The following VPS13D variants were observed in gnomAD, a reference collection of about 807,000 sequenced individuals.
VPS13D encodes the protein intermembrane lipid transfer protein VPS13D.
In VPS13D, 187 loss-of-function variants were observed where a neutral mutation model predicts 461.9. The ratio of observed to expected loss-of-function variants is 0.40; its 90% CI spans 0.36 to 0.46. VPS13D has a LOEUF of 0.46. Among genes scored for constraint, VPS13D ranks in the 20% least tolerant of loss-of-function variants. The pLI, the probability that VPS13D is intolerant of heterozygous loss-of-function variation, is 0.60. For missense variants in VPS13D, 4,711 were observed against 5,364.9 expected (o/e 0.88, Z 3.81); for synonymous variants, 1,951 against 1,986.3 (o/e 0.98, Z 0.47).
At chr1:12,316,279 T>G (rs1380481009) in intron 30 of VPS13D, among the ~76,000 whole-genome samples, 1 of 152,202 alleles carries the variant, frequency 6.6e-6, no homozygotes, top group Non-Finnish European at 1.5e-5. Flanking sequence ...TTACCTTGGC[T>G]CTTGCTAACA....
chr1:12,358,988 T>G (rs1355617540), intron 50 of VPS13D, among the ~76,000 whole-genome samples: 2 of 152,148 alleles, frequency 1.3e-5, no homozygotes, highest in African/African-American at 2.4e-5. Flanking sequence ...GAAGCATTGT[T>G]CTCCTTGAAA....
rs1349106209 is a variant in VPS13D at position 12,314,273 on chromosome 1, C to A, written c.7094C>A (p.Pro2365His). The change falls in exon 30 of 70, where the codon CCC (proline) becomes CAC (histidine). Residue 2365 changes from proline (P) to histidine (H), a missense_variant. Physicochemically the swap from Pro to His is moderately conservative, Grantham distance 77. Transcript: ENST00000620676. ...MTNVFSCIFQ[P>H]AKNSSTTQGS... The stretch of plus-strand genomic sequence containing the variant: ...AATGTGTTCAGCTGTATCTTTCAGC[C>A]CGCTAAGAACAGCAGCACCACCCAA... The A allele has an allele frequency of 6.2e-7, 1 of 1,614,154 alleles. No individual in the cohort carries two copies. The highest frequency in any genetic ancestry group is 1.7e-5 in the Admixed American group (1 of 60,012).
intron 22 of VPS13D, among the ~76,000 whole-genome samples, chr1:12,288,717 C>T (rs904566699): frequency 3.3e-5 from 5 of 151,952 alleles, no homozygotes; most frequent in Admixed American, 1.3e-4. Context: ...CCCTAGAAAA[C>T]GGGCATACAA....
intron 65 of VPS13D, among the ~76,000 whole-genome samples, chr1:12,436,638 T>A (rs1007821141): frequency 1.4e-4 from 22 of 152,214 alleles, no homozygotes; most frequent in Admixed American, 3.9e-4. Flanking sequence ...ATATATACAA[T>A]GTTAACTATT....
chr1:12,416,267 G>T (rs1644793061), intron 64 of VPS13D, among the ~76,000 whole-genome samples: 1 of 152,236 alleles, frequency 6.6e-6, no homozygotes, highest in African/African-American at 2.4e-5. Flanking sequence ...GAGAGGAACT[G>T]TAAATCTACC....
intron 44 of VPS13D, 87 bp from the exon 45 acceptor site, chr1:12,348,736 T>G: frequency 6.7e-7 from 1 of 1,503,518 alleles, no homozygotes; most frequent in East Asian, 2.3e-5. Context: ...ATAAGACACT[T>G]TTAAGGTAGA....
In VPS13D at chr1:12,509,119, G is replaced by A; in HGVS notation, c.*95G>A. 2 of 1,449,146 alleles carry A rather than the reference G, an allele frequency of 1.4e-6. No homozygotes were observed. Among genetic ancestry groups the A allele is most frequent in the Non-Finnish European group, 1.8e-6 (2 of 1,091,732 alleles). 89.8% of individuals were successfully genotyped at this position (1,449,146 alleles called of 1,614,324 possible). ...AGCTGACGATGGAGGCAGAACCGGA[G>A]TCGGGTTTGGGGAAGTTGTCAAGGA... is the stretch of plus-strand genomic sequence containing the variant. On this transcript the variant is annotated 3_prime_UTR_variant, in exon 70 of 70. Coordinates refer to ENST00000620676, the MANE Select transcript of VPS13D (RefSeq NM_015378.4).
At position 12,355,947 on chromosome 1, in the gene VPS13D, C is replaced by G; in HGVS notation, c.9728C>G (p.Pro3243Arg). The part of the protein sequence containing the change: ...FPLCKELLIP[P>R]GTQNYMVRMR... Reference sequence around the variant, plus strand: ...CTCTGTAAAGAATTGCTCATTCCACCTGGAACCCAAAACTATATGGTGAGA... The same window carrying G: ...CTCTGTAAAGAATTGCTCATTCCACGTGGAACCCAAAACTATATGGTGAGA... The change falls in exon 48 of 70, where the codon CCT becomes CGT. Residue 3243 changes from proline (P) to arginine (R), a missense_variant. By Grantham distance (103) the Pro-to-Arg change is moderately radical (BLOSUM62 -2). This residue lies in a region of VPS13D where 4,411 missense variants were observed against 4,937.8 expected (regional missense o/e 0.89). Coordinates refer to ENST00000620676, the MANE Select transcript of VPS13D (RefSeq NM_015378.4). 6.2e-7 allele frequency: 1 copy of G among 1,611,026 alleles called. No homozygotes were observed. The highest frequency in any genetic ancestry group is 1.1e-5 in the South Asian group (1 of 90,784).
At chr1:12,274,270 C>CCTCA (rs1387171216) in intron 18 of VPS13D, among the ~76,000 whole-genome samples, 1 of 152,204 alleles carries the variant, frequency 6.6e-6, no homozygotes, top group Non-Finnish European at 1.5e-5. Context: ...CAACTCCTGG[C>CCTCA]CTCAGGTGAT....
At position 12,348,825 on chromosome 1, in the gene VPS13D, C is replaced by T. The variant is rs773105155; in HGVS notation, c.9072C>T (p.Phe3024=). Residue 3024 remains phenylalanine (F), a splice_region_variant and synonymous_variant, in exon 45 of 70, where the codon TTC becomes TTT. Coordinates refer to ENST00000620676, the MANE Select transcript of VPS13D (RefSeq NM_015378.4). ...RTNIIHPQVY[F]SSLPPVRVVF... is the part of the protein sequence containing the mutation. ...TTGTCTTTATCGCTCTTTCACAGTT[C>T]TCTTCACTCCCACCAGTGCGGGTGG... 6 of 1,613,772 alleles carry T rather than the reference C, an allele frequency of 3.7e-6. No individual in the cohort carries two copies. In the Admixed American group the frequency reaches 1.0e-4, roughly 27 times the overall value.
intron 52 of VPS13D, among the ~76,000 whole-genome samples, 153 bp from the exon 53 acceptor site, chr1:12,368,315 T>G (rs1347163810): frequency 6.6e-6 from 1 of 152,182 alleles, no homozygotes; most frequent in Non-Finnish European, 1.5e-5. Context: ...TTCTACTTTT[T>G]TCAGATGATG....
chr1:12,479,062 G>A (rs906949719), intron 67 of VPS13D, among the ~76,000 whole-genome samples: 5 of 152,306 alleles, frequency 3.3e-5, no homozygotes, highest in East Asian at 1.9e-4. Flanking sequence ...CTCACTGTCC[G>A]AGGCCGGTGG....
At chr1:12,312,712 T>TCA (rs949022164) in intron 29 of VPS13D, among the ~76,000 whole-genome samples, 6 of 152,160 alleles carry the variant, frequency 3.9e-5, no homozygotes, top group Non-Finnish European at 7.3e-5. Flanking sequence ...TGAGCCATGA[T>TCA]CACACCACTG....
chr1:12,396,200 G>A (rs1644496740), intron 60 of VPS13D, among the ~76,000 whole-genome samples: 1 of 151,624 alleles, frequency 6.6e-6, no homozygotes, highest in Admixed American at 6.6e-5. Context: ...GGCTGCTGGA[G>A]TGTCTGCTAG....
At chr1:12,287,112 C>T (rs1466831219) in intron 21 of VPS13D, among the ~76,000 whole-genome samples, 1 of 152,100 alleles carries the variant, frequency 6.6e-6, no homozygotes, top group Non-Finnish European at 1.5e-5. Context: ...CATCCTGCCT[C>T]TGCCTCCCAA....
At chr1:12,372,272 G>T (rs922574650) in intron 54 of VPS13D, among the ~76,000 whole-genome samples, 9 of 151,976 alleles carry the variant, frequency 5.9e-5, no homozygotes, top group African/African-American at 1.7e-4. Context: ...TTTTGCCCAG[G>T]CTGGTCTCAA....
intron 69 of VPS13D, 35 bp from the exon 70 acceptor site, chr1:12,508,858 T>G: frequency 3.7e-6 from 6 of 1,606,022 alleles, no homozygotes; most frequent in Non-Finnish European, 5.1e-6. Flanking sequence ...TTCCCCATCC[T>G]GGGGACAGGT....
intron 60 of VPS13D, among the ~76,000 whole-genome samples, chr1:12,399,676 G>A (rs541185478): frequency 4.6e-5 from 7 of 151,382 alleles, no homozygotes; most frequent in Admixed American, 2.0e-4. Flanking sequence ...AAAATTAGCC[G>A]GGCATAGTGG....
intron 67 of VPS13D, among the ~76,000 whole-genome samples, chr1:12,477,585 T>A (rs1645649291): frequency 6.6e-6 from 1 of 152,170 alleles, no homozygotes; most frequent in Non-Finnish European, 1.5e-5. Flanking sequence ...GTCCTGCCCA[T>A]GTGAGCTGCT....
Sources: allele counts gnomAD v4.1 joint callset (sites outside exome capture counted in the v4.1 genomes callset), GRCh38; gene constraint gnomAD v4.1.1; regional missense constraint gnomAD v4.1.1; transcripts MANE v1.5; gene names NCBI Gene and HGNC (gene_info 2026-07-23, HGNC 2026-07-21).